Variants in SEC16A observed in about 807,000 individuals in gnomAD.
The protein encoded by SEC16A is SEC16 homolog A, endoplasmic reticulum export factor.
A neutral mutation model predicts 221.9 loss-of-function variants in SEC16A; 110 were observed. The ratio of observed to expected loss-of-function variants is 0.50; its 90% CI spans 0.42 to 0.58. SEC16A has a LOEUF of 0.58. SEC16A is among the 20% of genes least tolerant of loss of function. The probability of loss-of-function intolerance (pLI) is 0.00; values close to 1 mark genes in which losing one functional copy is unlikely to be tolerated. For missense variants in SEC16A, 3,165 were observed against 3,097.8 expected, an observed-to-expected ratio of 1.02 and a Z score of -0.52; for synonymous variants, 1,393 against 1,257.7, an observed-to-expected ratio of 1.11 and a Z score of -2.28.
Position 136,466,541 on chromosome 9 carries a change from G to A in SEC16A, c.3930-79C>T, listed in dbSNP as rs1021125622. ...CCCCATGTGCCACGCAGCTGCCCAGGAGCTGAGACCGAGACCCCTGGGGCC... is the reference window on the plus strand; with the variant it reads ...CCCCATGTGCCACGCAGCTGCCCAGAAGCTGAGACCGAGACCCCTGGGGCC... On this transcript the variant is annotated intron_variant, in intron 6 of 31. Coordinates refer to ENST00000684901, the MANE Select transcript of SEC16A (RefSeq NM_014866.2). This position sits in a 1 kb window ranked among gnomAD's most constrained non-coding sequence, Gnocchi z 5.5. 152 of 1,381,262 alleles carry A rather than the reference G, an allele frequency of 1.1e-4. No homozygotes were observed. The highest frequency in any genetic ancestry group is 1.4e-4 in the Non-Finnish European group (141 of 1,024,906). 85.6% of individuals were successfully genotyped at this position (1,381,262 alleles called of 1,614,324 possible).
At position 136,440,799 on chromosome 9, in the gene SEC16A, G is replaced by A. The variant is rs1489717081; in HGVS notation, c.*956C>T. ...AACCTCTGAACCAACGTCCCCCAGG[G>A]GAGAAAGTGGGTCATGTGGATTGTA... On this transcript the variant is annotated 3_prime_UTR_variant, in exon 32 of 32. Transcript: ENST00000684901. 6.6e-6 allele frequency: 1 copy of A among 152,390 alleles called. No homozygotes were observed. Among genetic ancestry groups the A allele is most frequent in the Non-Finnish European group, 1.5e-5 (1 of 68,052 alleles). The allele number at this position is 152,390 out of a possible 1,614,324, so 9.4% of individuals were successfully genotyped here.
In SEC16A at chr9:136,477,387, C is replaced by G; in HGVS notation, c.229G>C (p.Val77Leu). 1 of 1,613,994 alleles carries G rather than the reference C, an allele frequency of 6.2e-7. No homozygotes were observed. The highest frequency in any genetic ancestry group is 8.5e-7 in the Non-Finnish European group (1 of 1,179,890). ...LGSSSKSSPP[V>L]LQGPAPAGFS... ...CCTGCGGGGGCTGGGCCTTGCAAGA[C>G]AGGTGGACTGCTTTTGGACGAACTG... The change falls in exon 3 of 32, where the codon GTC becomes CTC. Residue 77 changes from valine (V) to leucine (L), a missense_variant. Transcript: ENST00000684901.
Position 136,466,698 on chromosome 9 carries a change from A to G in SEC16A, c.3930-236T>C, listed in dbSNP as rs1840208924. On this transcript the variant is annotated intron_variant, in intron 6 of 31. Transcript: ENST00000684901. This position sits in a 1 kb window ranked among gnomAD's most constrained non-coding sequence, Gnocchi z 5.5. ...CGACCGGTAAGAAGGGACGATGAGA[A>G]AGAGTGAGCCCAATCTCCCAGGTGC... is the stretch of plus-strand genomic sequence containing the variant. Among the ~76,000 whole-genome samples, 1 of 152,202 alleles carries G rather than the reference A, an allele frequency of 6.6e-6. No individual in the cohort carries two copies. The highest frequency in any genetic ancestry group is 2.4e-5 in the African/African-American group (1 of 41,436).
At chr9:136,448,719 A>C in intron 23 of SEC16A, 1 of 696,400 alleles carries the variant, frequency 1.4e-6, no homozygotes, top group South Asian at 1.5e-5. Flanking sequence ...TCGGGGGCAG[A>C]TCCACAGAGA....
At chr9:136,453,853 C>T (rs575462852) in intron 21 of SEC16A, among the ~76,000 whole-genome samples, 3 of 152,330 alleles carry the variant, frequency 2.0e-5, no homozygotes, top group African/African-American at 4.8e-5. Flanking sequence ...GACCCATGGC[C>T]ACCATGCCCT....
chr9:136,472,763 G>A (rs369359146), intron 3 of SEC16A, among the ~76,000 whole-genome samples: 4 of 152,208 alleles, frequency 2.6e-5, no homozygotes, highest in Admixed American at 6.5e-5. Context: ...ACGCTTAAGC[G>A]CCTCAAAGCC....
intron 23 of SEC16A, among the ~76,000 whole-genome samples, chr9:136,449,312 G>A (rs1309433327): frequency 1.3e-5 from 2 of 152,182 alleles, no homozygotes; most frequent in African/African-American, 2.4e-5. Context: ...GTGCAATGGC[G>A]CGATCTCGGC....
At chr9:136,467,682 G>C (rs1840327592) in intron 5 of SEC16A, among the ~76,000 whole-genome samples, 1 of 152,154 alleles carries the variant, frequency 6.6e-6, no homozygotes, top group South Asian at 2.1e-4. Flanking sequence ...AGTGTTTTTA[G>C]CAAGTATTAA....
Position 136,459,079 on chromosome 9 carries a change from T to G in SEC16A, c.5409+55A>C. The G allele has an allele frequency of 7.5e-7, 1 of 1,329,850 alleles. No homozygotes were observed. The highest frequency in any genetic ancestry group is 1.1e-6 in the Non-Finnish European group (1 of 951,262). The allele number at this position is 1,329,850 out of a possible 1,614,324, so 82.4% of individuals were successfully genotyped here. A position where few individuals can be genotyped will look rare whatever the true frequency, so the allele number is the denominator to read the frequency against. On this transcript the variant is annotated intron_variant, in intron 17 of 31. Transcript: ENST00000684901. The surrounding 1 kb of genome is among the most constrained non-coding windows in gnomAD (Gnocchi z 6.1). ...ACAATCTAAGTAGCCAAAAGCTTGTTAGCACTGAGTGCCTGCCCAGCCATG... is the reference window on the plus strand; with the variant it reads ...ACAATCTAAGTAGCCAAAAGCTTGTGAGCACTGAGTGCCTGCCCAGCCATG...
Position 136,475,826 on chromosome 9 carries a change from G to A in SEC16A, c.1790C>T (p.Pro597Leu), listed in dbSNP as rs56110017. The A allele has an allele frequency of 8.3e-5, 131 of 1,581,126 alleles. No homozygotes were observed. The highest frequency in any genetic ancestry group is 9.9e-5 in the Non-Finnish European group (115 of 1,163,318). Residue 597 changes from proline to leucine, a missense_variant, in exon 3 of 32, where the codon CCG becomes CTG. Pro to Leu is a moderately conservative substitution (Grantham distance 98, BLOSUM62 -3). This residue lies in a region of SEC16A where 2,030 missense variants were observed against 1,923.1 expected (regional missense o/e 1.06). Transcript: ENST00000684901. The surrounding 1 kb of genome is among the most constrained non-coding windows in gnomAD (Gnocchi z 5.0). ...TGTCTGAAATATTCCTGTAGGTTTC[G>A]GGGGGCTCGGGGTTGAGGGCTGGGA... ...SVSQPSTPSPPKPTGIFQTSA... is the reference protein window; with the variant it reads ...SVSQPSTPSPLKPTGIFQTSA...
intron 20 of SEC16A, among the ~76,000 whole-genome samples, chr9:136,455,141 T>G (rs1289911516): frequency 6.6e-6 from 1 of 152,148 alleles, no homozygotes; most frequent in African/African-American, 2.4e-5. Context: ...TGAGGTTCAC[T>G]GACGAAGGAA....
At chr9:136,483,883 G>C (rs1244585867), upstream of SEC16A, 3 of 853,412 alleles carry the variant, frequency 3.5e-6, no homozygotes, top group Non-Finnish European at 4.2e-6. Flanking sequence ...TGGTTACGGC[G>C]TGGCCGCGGG....
At position 136,459,471 on chromosome 9, in the gene SEC16A, T is replaced by C; in HGVS notation, c.5276A>G (p.Lys1759Arg). 1 of 1,607,594 alleles carries C rather than the reference T, an allele frequency of 6.2e-7. No individual in the cohort carries two copies. Residue 1759 changes from lysine to arginine, a missense_variant, in exon 16 of 32, where the codon AAG (lysine) becomes AGG (arginine). Coordinates refer to ENST00000684901, the MANE Select transcript of SEC16A (RefSeq NM_014866.2). The surrounding 1 kb of genome is among the most constrained non-coding windows in gnomAD (Gnocchi z 6.1). ...GFGVYTKKTT[K>R]LVLIGSNHSL... ...GTGATTGGATCCGATTAAGACAAGC[T>C]TTGTAGTTTTCTTCGTGTAAACACC...
At chr9:136,451,112 TGCC>T (rs1015804678) in intron 23 of SEC16A, 141 bp downstream of exon 23, 2 of 803,338 alleles carry the variant, frequency 2.5e-6, no homozygotes, top group African/African-American at 3.5e-5. Context: ...ACACCCATCA[TGCC>T]GTGTGCACTG....
chr9:136,469,750 A>G (rs187309218), intron 4 of SEC16A, among the ~76,000 whole-genome samples: 146 of 152,324 alleles, frequency 9.6e-4, no homozygotes, highest in Middle Eastern at 6.8e-3. Context: ...CCCCTTCAGG[A>G]GACATCACGG....
chr9:136,483,568 G>A, upstream of SEC16A: 2 of 985,030 alleles, frequency 2.0e-6, no homozygotes, highest in Non-Finnish European at 2.4e-6. Context: ...GTCCCAGTAC[G>A]TCGCCCTGTT....
chr9:136,475,461 C>G lies in SEC16A; in HGVS notation c.2155G>C (p.Glu719Gln). The change falls in exon 3 of 32, where the codon GAG becomes CAG. Residue 719 changes from glutamate to glutamine, a missense_variant. By Grantham distance (29) the Glu-to-Gln change is conservative (BLOSUM62 2). This residue lies in a region of SEC16A where 2,030 missense variants were observed against 1,923.1 expected (regional missense o/e 1.06). Coordinates refer to ENST00000684901, the MANE Select transcript of SEC16A (RefSeq NM_014866.2). The surrounding 1 kb of genome is among the most constrained non-coding windows in gnomAD (Gnocchi z 5.0). ...SARTQGPVKC[E>Q]SPATTLWAQS... The stretch of plus-strand genomic sequence containing the variant: ...GCCCACAGAGTCGTTGCTGGGCTCT[C>G]ACACTTCACGGGCCCCTGGGTCCTG... 6.2e-7 allele frequency: 1 copy of G among 1,608,824 alleles called. No homozygotes were observed. Among genetic ancestry groups the G allele is most frequent in the South Asian group, 1.1e-5 (1 of 90,686 alleles).
chr9:136,456,474 C>A (rs1564480830), intron 18 of SEC16A, among the ~76,000 whole-genome samples: 1 of 152,260 alleles, frequency 6.6e-6, no homozygotes, highest in Admixed American at 6.5e-5. Flanking sequence ...AGCTGGACTC[C>A]CCCAGGAATG....
rs979532667 is a variant in SEC16A, at chr9:136,446,718, T to C, written c.6792+137A>G. 39 of 831,638 alleles carry C rather than the reference T, an allele frequency of 4.7e-5. No individual in the cohort carries two copies. In the East Asian group the frequency reaches 9.9e-4, roughly 21 times the overall value. The allele number at this position is 831,638 out of a possible 1,614,324, so 51.5% of individuals were successfully genotyped here. A position where few individuals can be genotyped will look rare whatever the true frequency, so the allele number is the denominator to read the frequency against. On this transcript the variant is annotated intron_variant, in intron 28 of 31. Transcript: ENST00000684901. Reference sequence around the variant, plus strand: ...TTCTACCTTCCGTCTCTACCATACATAAGTGTGAGGCGTTTAAGGCGGAAC... The same window carrying C: ...TTCTACCTTCCGTCTCTACCATACACAAGTGTGAGGCGTTTAAGGCGGAAC...
Sources: allele counts gnomAD v4.1 joint callset (sites outside exome capture counted in the v4.1 genomes callset), GRCh38; gene constraint gnomAD v4.1.1; regional missense constraint gnomAD v4.1.1; non-coding constraint Gnocchi (gnomAD v3.1); transcripts MANE v1.5; gene names NCBI Gene and HGNC (gene_info 2026-07-23, HGNC 2026-07-21).